The following PHKB variants were observed in gnomAD, a reference collection of about 807,000 sequenced individuals.
The protein encoded by PHKB is phosphorylase b kinase regulatory subunit beta.
A neutral mutation model predicts 152.1 loss-of-function variants in PHKB; 122 were observed. That is an observed-to-expected ratio of 0.80 (90% CI 0.69 to 0.93). PHKB has a LOEUF of 0.93. Ranked by LOEUF, PHKB falls within the 40% of genes least tolerant of loss-of-function variation. The probability of loss-of-function intolerance (pLI) is 0.00; values close to 1 mark genes in which losing one functional copy is unlikely to be tolerated. For synonymous variants in PHKB, 436 were observed against 464.9 expected (o/e 0.94, Z 0.80); for missense variants, 1,304 against 1,328.4 (o/e 0.98, Z 0.29).
intron 27 of PHKB, 101 bp downstream of exon 27, chr16:47,689,276 T>TA: frequency 7.9e-7 from 1 of 1,263,552 alleles, no homozygotes; most frequent in Non-Finnish European, 1.1e-6. Context: ...TATTAATAAG[T>TA]AAAATTCAAC....
chr16:47,646,927 A>C lies in PHKB; in HGVS notation c.1609-1606A>C, dbSNP rs143579737. ...TTTATCAGGAGATAGGAGTTTAAAA[A>C]GGTAAAGGGGCTTCTTGATTAGATT... On this transcript the variant is annotated intron_variant, in intron 16 of 30. Transcript: ENST00000323584. Among the ~76,000 whole-genome samples, 578 of 152,228 alleles carry C rather than the reference A, an allele frequency of 3.8e-3. 2 individuals carry two copies. The highest frequency in any genetic ancestry group is 0.014 in the African/African-American group (565 of 41,564).
chr16:47,682,069 C>G (rs948336229), intron 26 of PHKB, among the ~76,000 whole-genome samples: 2 of 152,138 alleles, frequency 1.3e-5, no homozygotes, highest in Non-Finnish European at 2.9e-5. Context: ...AAATTCTTTC[C>G]TTTAAGAATG....
intron 14 of PHKB, among the ~76,000 whole-genome samples, chr16:47,626,937 G>A (rs536795150): frequency 3.9e-5 from 6 of 152,238 alleles, no homozygotes; most frequent in South Asian, 2.1e-4. Context: ...AACAGATCCC[G>A]TTGGTACAAG....
intron 7 of PHKB, among the ~76,000 whole-genome samples, chr16:47,549,650 G>A (rs566287190): frequency 7.2e-5 from 11 of 152,144 alleles, no homozygotes; most frequent in East Asian, 3.9e-4. Flanking sequence ...AGCCGAGATC[G>A]TGCCACTGCA....
intron 7 of PHKB, among the ~76,000 whole-genome samples, chr16:47,559,454 T>TC (rs1399931764): frequency 1.3e-5 from 2 of 152,306 alleles, no homozygotes; most frequent in Non-Finnish European, 2.9e-5. Context: ...TTATTATTTA[T>TC]TATTAAGATG....
intron 20 of PHKB, among the ~76,000 whole-genome samples, chr16:47,653,645 T>G (rs1484583962): frequency 1.3e-5 from 2 of 152,202 alleles, no homozygotes; most frequent in African/African-American, 4.8e-5. Context: ...ATTTTATGCT[T>G]AAGTGTCCCT....
chr16:47,609,638 G>T (rs1334808568), intron 13 of PHKB, among the ~76,000 whole-genome samples: 4 of 151,892 alleles, frequency 2.6e-5, no homozygotes, highest in Non-Finnish European at 2.9e-5. Context: ...ATTCCTTCTT[G>T]AGTCAGTTTT....
intron 1 of PHKB, chr16:47,463,832 A>G (rs1597003931): frequency 2.7e-6 from 3 of 1,092,748 alleles, no homozygotes; most frequent in East Asian, 2.4e-5. Flanking sequence ...AACTGCTCAC[A>G]CTGCTTTCAA....
At chr16:47,611,302 A>C (rs1023517872) in intron 14 of PHKB, among the ~76,000 whole-genome samples, 1 of 152,202 alleles carries the variant, frequency 6.6e-6, no homozygotes, top group Admixed American at 6.5e-5. Context: ...CGTGACTGAC[A>C]GTTGTTACAG....
chr16:47,469,828 G>GT (rs1969733822), intron 1 of PHKB, among the ~76,000 whole-genome samples: 1 of 152,234 alleles, frequency 6.6e-6, no homozygotes, highest in African/African-American at 2.4e-5. Context: ...TGTGTCTAAT[G>GT]TTTTGCACTT....
chr16:47,550,693 A>T (rs1358013190), intron 7 of PHKB, among the ~76,000 whole-genome samples: 34 of 151,934 alleles, frequency 2.2e-4, no homozygotes, highest in Non-Finnish European at 1.5e-5. Context: ...GTAGGCTTTT[A>T]TTGGTTATTG....
intron 7 of PHKB, among the ~76,000 whole-genome samples, chr16:47,571,766 GTAGAACCT>G (rs1289402256): frequency 6.6e-6 from 1 of 152,188 alleles, no homozygotes; most frequent in Non-Finnish European, 1.5e-5. Context: ...CACTGCTAGA[GTAGAACCT>G]TAGTCTTTCC....
Position 47,514,034 on chromosome 16 carries a change from C to T in PHKB, c.514-1487C>T, listed in dbSNP as rs79841328. On this transcript the variant is annotated intron_variant, in intron 5 of 30. Transcript: ENST00000323584. ...GTATTCCCTATATTCTCCAAAGCCCCCCAGCTCTAGGCAGCAACCAGTCTT... is the reference window on the plus strand; with the variant it reads ...GTATTCCCTATATTCTCCAAAGCCCTCCAGCTCTAGGCAGCAACCAGTCTT... Among the ~76,000 whole-genome samples, 6 of 152,282 alleles carry T rather than the reference C, an allele frequency of 3.9e-5. No individual in the cohort carries two copies. In the East Asian group the frequency reaches 1.2e-3, roughly 29 times the overall value.
At chr16:47,547,798 G>A (rs1348184846) in intron 7 of PHKB, 1 of 441,952 alleles carries the variant, frequency 2.3e-6, no homozygotes, top group Non-Finnish European at 4.1e-6. Flanking sequence ...ATGCATGTCA[G>A]CCCTCATCAT....
intron 7 of PHKB, among the ~76,000 whole-genome samples, chr16:47,573,758 T>C (rs1971702545): frequency 6.6e-6 from 1 of 152,124 alleles, no homozygotes; most frequent in African/African-American, 2.4e-5. Flanking sequence ...ATCAATGGGG[T>C]TTATACCCAC....
chr16:47,685,283 G>T (rs569182313), intron 26 of PHKB, among the ~76,000 whole-genome samples: 1 of 152,320 alleles, frequency 6.6e-6, no homozygotes, highest in South Asian at 2.1e-4. Flanking sequence ...AAATTAGCTG[G>T]GTGTGGTGGC....
chr16:47,556,479 GCGT>G (rs1971372233), intron 7 of PHKB, among the ~76,000 whole-genome samples: 1 of 152,304 alleles, frequency 6.6e-6, no homozygotes, highest in African/African-American at 2.4e-5. Context: ...TTAGCATGAA[GCGT>G]TGTTGAATTT....
At chr16:47,524,311 C>T (rs1388979146) in intron 6 of PHKB, among the ~76,000 whole-genome samples, 1 of 152,044 alleles carries the variant, frequency 6.6e-6, no homozygotes, top group Non-Finnish European at 1.5e-5. Context: ...CCTTTTTATC[C>T]TGCAGTTCAG....
chr16:47,691,916 A>G (rs1291334152), intron 27 of PHKB, among the ~76,000 whole-genome samples: 1 of 152,202 alleles, frequency 6.6e-6, no homozygotes, highest in Non-Finnish European at 1.5e-5. Context: ...TTAAAGTATT[A>G]ATCATAACTT....
Sources: allele counts gnomAD v4.1 joint callset (sites outside exome capture counted in the v4.1 genomes callset), GRCh38; gene constraint gnomAD v4.1.1; transcripts MANE v1.5; gene names NCBI Gene and HGNC (gene_info 2026-07-23, HGNC 2026-07-21).